Variants in EIF5B observed in about 807,000 individuals in gnomAD.
The protein encoded by EIF5B is eIF-5B.
A neutral mutation model predicts 147.5 loss-of-function variants in EIF5B; 47 were observed. That is an observed-to-expected ratio of 0.32 (90% confidence interval 0.25 to 0.41). The LOEUF (loss-of-function observed/expected upper bound fraction) is 0.41. Ranked by LOEUF, EIF5B falls within the 10% of genes least tolerant of loss-of-function variation. The pLI is 1.00. For missense variants in EIF5B, 1,064 were observed against 1,413.2 expected, an observed-to-expected ratio of 0.75 and a Z score of 3.96; for synonymous variants, 455 against 456.2, an observed-to-expected ratio of 1.00 and a Z score of 0.03.
In EIF5B at chr2:99,363,877, A is replaced by G. The variant is rs1260332800; in HGVS notation, c.1137+15A>G. ...GTAAAGAAGAGGTATGTTTTCATGA[A>G]GTTGGTAACATTGATATTGTGTTTA... On this transcript the variant is annotated intron_variant, in intron 5 of 23. Transcript: ENST00000289371. 6.3e-7 allele frequency: 1 copy of G among 1,595,844 alleles called. No individual in the cohort carries two copies. The highest frequency in any genetic ancestry group is 2.2e-5 in the East Asian group (1 of 44,732).
chr2:99,401,108 A>G lies in EIF5B; in HGVS notation c.*1694A>G, dbSNP rs1675329737. ...ACAAATTTGGCACTTTTTGAAAAGA[A>G]ATGTACAAAACACTTGCTTTAAAAG... On this transcript the variant is annotated 3_prime_UTR_variant, in exon 24 of 24. Transcript: ENST00000289371. 5.8e-6 allele frequency: 3 copies of G among 519,122 alleles called. No homozygotes were observed. 32.2% of individuals were successfully genotyped at this position (519,122 alleles called of 1,614,324 possible).
chr2:99,393,274 A>C (rs1674972395), intron 18 of EIF5B, among the ~76,000 whole-genome samples, 176 bp downstream of exon 18: 1 of 152,152 alleles, frequency 6.6e-6, no homozygotes, highest in Non-Finnish European at 1.5e-5. Context: ...CAATCATAGA[A>C]ATTGGTATAA....
chr2:99,396,657 G>T (rs764746260), intron 21 of EIF5B, 103 bp from the exon 22 acceptor site: 20 of 1,423,158 alleles, frequency 1.4e-5, no homozygotes, highest in Admixed American at 9.5e-5. Context: ...GCTGGGGAAA[G>T]CTGCTTTCCT....
chr2:99,382,684 C>G (rs967091295), intron 13 of EIF5B, 96 bp from the exon 14 acceptor site: 6 of 1,222,744 alleles, frequency 4.9e-6, no homozygotes, highest in Non-Finnish European at 6.6e-6. Context: ...TACATATACT[C>G]TATTTTGTTT....
At chr2:99,363,241 G>A (rs1242445278) in intron 4 of EIF5B, among the ~76,000 whole-genome samples, 1 of 152,144 alleles carries the variant, frequency 6.6e-6, no homozygotes, top group Non-Finnish European at 1.5e-5. Flanking sequence ...TTGTAGAAGT[G>A]AAATTAGCTA....
intron 22 of EIF5B, chr2:99,397,100 T>C (rs1188506156): frequency 4.3e-6 from 2 of 469,880 alleles, no homozygotes; most frequent in East Asian, 3.8e-5. Flanking sequence ...GCAGAGCCTG[T>C]CACCTTCTGT....
At chr2:99,342,684 T>G (rs2094262696) in intron 1 of EIF5B, among the ~76,000 whole-genome samples, 1 of 151,944 alleles carries the variant, frequency 6.6e-6, no homozygotes, top group Non-Finnish European at 1.5e-5. Flanking sequence ...CAGGCTAGAG[T>G]GCAATGGTGT....
At chr2:99,362,098 A>G (rs1388597447) in intron 4 of EIF5B, among the ~76,000 whole-genome samples, 1 of 152,118 alleles carries the variant, frequency 6.6e-6, no homozygotes, top group Admixed American at 6.5e-5. Context: ...GATAAAGGCT[A>G]TAGAAGTTAC....
intron 23 of EIF5B, 89 bp from the exon 24 acceptor site, chr2:99,399,218 G>A: frequency 1.6e-6 from 2 of 1,247,694 alleles, no homozygotes; most frequent in Non-Finnish European, 2.3e-6. Flanking sequence ...AAGCTTTTTA[G>A]TACAGTGAGA....
chr2:99,343,494 C>T (rs1284842680), intron 1 of EIF5B, among the ~76,000 whole-genome samples: 1 of 151,936 alleles, frequency 6.6e-6, no homozygotes. Flanking sequence ...AATCCAGGGT[C>T]GTGAAGATTT....
intron 1 of EIF5B, among the ~76,000 whole-genome samples, chr2:99,347,311 A>G (rs955686363): frequency 6.6e-6 from 1 of 152,142 alleles, no homozygotes; most frequent in African/African-American, 2.4e-5. Context: ...CAGGCCCCCA[A>G]ATAGTCTTAT....
At chr2:99,391,509 G>C (rs1468979136) in intron 17 of EIF5B, among the ~76,000 whole-genome samples, 1 of 152,158 alleles carries the variant, frequency 6.6e-6, no homozygotes, top group African/African-American at 2.4e-5. Context: ...GAACGCTGCT[G>C]GCACCCAGAA....
In EIF5B at chr2:99,337,551, A is replaced by C; in HGVS notation, c.-4A>C. ...GCTGGGGCCACGAGCGCCATTGACA[A>C]GCAATGGGGAAGAAACAGAAAAACA... On this transcript the variant is annotated 5_prime_UTR_variant, in exon 1 of 24. Transcript: ENST00000289371. 1.2e-6 allele frequency: 2 copies of C among 1,612,994 alleles called. No homozygotes were observed. The highest frequency in any genetic ancestry group is 1.7e-6 in the Non-Finnish European group (2 of 1,179,514).
chr2:99,346,589 CTTTTTTTTTTTTTTT>C (rs773411395), intron 1 of EIF5B, among the ~76,000 whole-genome samples: 15 of 61,648 alleles, frequency 2.4e-4, no homozygotes, highest in African/African-American at 8.2e-4. Context: ...AGTTGTATCT[CTTTTTTTTTTTTTTT>C]TTTTTTTTTT....
intron 4 of EIF5B, among the ~76,000 whole-genome samples, chr2:99,363,216 C>T (rs936503875): frequency 2.0e-5 from 3 of 152,136 alleles, no homozygotes; most frequent in African/African-American, 7.2e-5. Context: ...GGACATCATT[C>T]TCATTAACTC....
At chr2:99,370,201 A>G (rs954290508) in intron 8 of EIF5B, among the ~76,000 whole-genome samples, 3 of 152,184 alleles carry the variant, frequency 2.0e-5, no homozygotes, top group Non-Finnish European at 4.4e-5. Context: ...AGAGAATTCA[A>G]CTTACTCATT....
chr2:99,352,985 G>A (rs1321284644), intron 1 of EIF5B, among the ~76,000 whole-genome samples: 2 of 129,368 alleles, frequency 1.5e-5, no homozygotes, highest in Admixed American at 8.0e-5. Context: ...ACTATGCCTG[G>A]CTAATTTTTT....
At chr2:99,394,470 G>A in intron 19 of EIF5B, 39 bp from the exon 20 acceptor site, 1 of 1,613,976 alleles carries the variant, frequency 6.2e-7, no homozygotes, top group Non-Finnish European at 8.5e-7. Context: ...GCCATTACCT[G>A]ATACATACAG....
At chr2:99,393,885 C>G (rs558959606) in intron 18 of EIF5B, among the ~76,000 whole-genome samples, 152 of 152,318 alleles carry the variant, frequency 1.0e-3, no homozygotes, top group African/African-American at 3.5e-3. Flanking sequence ...TATGGTATTT[C>G]CTAGTTAACA....
Sources: allele counts gnomAD v4.1 joint callset (sites outside exome capture counted in the v4.1 genomes callset), GRCh38; gene constraint gnomAD v4.1.1; transcripts MANE v1.5; gene names NCBI Gene and HGNC (gene_info 2026-07-23, HGNC 2026-07-21).